Variants in ARB2A observed in about 807,000 individuals in gnomAD.
The protein encoded by ARB2A is ARB2 cotranscriptional regulator A, also known as cotranscriptional regulator ARB2A.
chr5:93,970,248 C>G, the ARB2A span, among the ~76,000 whole-genome samples: 1 of 152,042 alleles, frequency 6.6e-6, no homozygotes, highest in African/African-American at 2.4e-5. Flanking sequence ...TCATACCCAT[C>G]CCTATAGATG....
At chr5:93,788,950 G>T in the ARB2A span, among the ~76,000 whole-genome samples, 1 of 152,100 alleles carries the variant, frequency 6.6e-6, no homozygotes, top group East Asian at 1.9e-4. Context: ...TCATTTTCCT[G>T]TATTTGTAGC....
chr5:94,068,937 A>C, the ARB2A span, among the ~76,000 whole-genome samples: 1 of 151,144 alleles, frequency 6.6e-6, no homozygotes, highest in Admixed American at 6.6e-5. Flanking sequence ...CAGGAGGCTG[A>C]GACTAGAGAA....
chr5:93,638,934 T>C, the ARB2A span, among the ~76,000 whole-genome samples: 1 of 152,240 alleles, frequency 6.6e-6, no homozygotes, highest in Admixed American at 6.5e-5. Context: ...TTGAATTTCC[T>C]AAACAATCAT....
chr5:93,933,626 G>C, the ARB2A span, among the ~76,000 whole-genome samples: 1 of 152,032 alleles, frequency 6.6e-6, no homozygotes, highest in South Asian at 2.1e-4. Context: ...CACAAGGAGG[G>C]GAATATCACA....
At chr5:93,734,801 ATTTC>A in the ARB2A span, 11 of 151,238 alleles carry the variant, frequency 7.3e-5, no homozygotes, top group African/African-American at 2.7e-4. Flanking sequence ...GGCTTAGTAG[ATTTC>A]TTTTTCTTTT....
chr5:94,022,804 G>A, the ARB2A span, among the ~76,000 whole-genome samples: 9 of 152,186 alleles, frequency 5.9e-5, no homozygotes, highest in Admixed American at 4.6e-4. Flanking sequence ...ATCAAAAGTA[G>A]GAGAAAATAA....
chr5:93,808,782 C>CT, the ARB2A span, among the ~76,000 whole-genome samples: 1 of 151,970 alleles, frequency 6.6e-6, no homozygotes, highest in East Asian at 1.9e-4. Flanking sequence ...TAATAAATAA[C>CT]TGAGTGTAAA....
chr5:93,618,020 A>G, the ARB2A span: 4 of 152,166 alleles, frequency 2.6e-5, no homozygotes, highest in Non-Finnish European at 5.9e-5. Context: ...TCTCTATGCA[A>G]TTGGTGAATA....
At chr5:94,110,884 A>G in the ARB2A span, among the ~76,000 whole-genome samples, 2 of 152,204 alleles carry the variant, frequency 1.3e-5, no homozygotes, top group Non-Finnish European at 2.9e-5. Flanking sequence ...TCCAAACACA[A>G]CGAGTTTCTT....
the ARB2A span, among the ~76,000 whole-genome samples, chr5:93,665,548 T>C: frequency 1.3e-5 from 2 of 152,116 alleles, no homozygotes; most frequent in Non-Finnish European, 2.9e-5. Flanking sequence ...CAGAAACATA[T>C]AGGTGTCAGA....
the ARB2A span, among the ~76,000 whole-genome samples, chr5:93,913,197 T>C: frequency 2.0e-5 from 3 of 151,842 alleles, no homozygotes; most frequent in African/African-American, 7.2e-5. Flanking sequence ...GTCCCATATG[T>C]AGAGTTTCTA....
chr5:94,040,654 G>C, the ARB2A span, among the ~76,000 whole-genome samples: 9 of 152,166 alleles, frequency 5.9e-5, no homozygotes, highest in East Asian at 1.7e-3. Context: ...ACTGCAATGG[G>C]TGGGTCTTTC....
the ARB2A span, among the ~76,000 whole-genome samples, chr5:93,848,800 AC>A: frequency 5.3e-5 from 8 of 152,272 alleles, no homozygotes; most frequent in Admixed American, 4.6e-4. Context: ...TCACATAGTG[AC>A]CTTGCTGGCG....
chr5:93,740,281 ATATT>A, the ARB2A span: 1 of 283,888 alleles, frequency 3.5e-6, no homozygotes, highest in Non-Finnish European at 6.6e-6. Context: ...AACAGACACA[ATATT>A]TAATAAAAAA....
At chr5:94,050,596 A>C in the ARB2A span, 1 of 639,820 alleles carries the variant, frequency 1.6e-6, no homozygotes, top group Non-Finnish European at 2.6e-6. Context: ...CTAAAAAGGA[A>C]CAAAAAAAAA....
chr5:93,741,108 TC>T, the ARB2A span: 1 of 1,613,568 alleles, frequency 6.2e-7, no homozygotes, highest in Non-Finnish European at 8.5e-7. Flanking sequence ...CAAACAGAGC[TC>T]CCACAGCGAT....
the ARB2A span, among the ~76,000 whole-genome samples, chr5:93,990,975 T>G: frequency 1.7e-4 from 26 of 152,206 alleles, no homozygotes; most frequent in African/African-American, 5.8e-4. Flanking sequence ...ACGATTCGAT[T>G]GAAAAGGGAT....
At chr5:93,984,248 T>C in the ARB2A span, among the ~76,000 whole-genome samples, 1 of 152,246 alleles carries the variant, frequency 6.6e-6, no homozygotes, top group African/African-American at 2.4e-5. Context: ...AGGAACCATA[T>C]ATATAAGTGT....
the ARB2A span, among the ~76,000 whole-genome samples, chr5:93,699,030 A>G: frequency 6.6e-6 from 1 of 152,350 alleles, no homozygotes; most frequent in East Asian, 1.9e-4. Context: ...TAGACTGAAT[A>G]TAGAACCAAA....
Sources: gnomAD v4.1 joint callset for allele counts (sites outside exome capture counted in the v4.1 genomes callset) on GRCh38, gnomAD v4.1.1 for gene constraint, MANE v1.5 for transcripts, NCBI Gene and HGNC (gene_info 2026-07-23, HGNC 2026-07-21) for gene names.